Variants in DPY19L2 observed in about 807,000 individuals in gnomAD.
DPY19L2 encodes probable C-mannosyltransferase DPY19L2.
In DPY19L2, 34 loss-of-function variants were observed where a neutral mutation model predicts 97.9. That is an observed-to-expected ratio of 0.35 (90% CI 0.26 to 0.46). DPY19L2 has a LOEUF of 0.46. DPY19L2 is among the 20% of genes least tolerant of loss of function. The pLI, the probability that DPY19L2 is intolerant of heterozygous loss-of-function variation, is 1.00. For synonymous variants in DPY19L2, 230 were observed against 307.9 expected, an observed-to-expected ratio of 0.75 and a Z score of 2.65; for missense variants, 623 against 911.4, an observed-to-expected ratio of 0.68 and a Z score of 4.07.
At chr12:63,626,335 C>G in intron 7 of DPY19L2, 134 bp downstream of exon 7, 3 of 1,137,308 alleles carry the variant, frequency 2.6e-6, no homozygotes, top group Non-Finnish European at 3.6e-6. Flanking sequence ...AAAATATCAA[C>G]TTATTACACA....
chr12:63,628,827 G>A lies in DPY19L2; in HGVS notation c.804-2301C>T, dbSNP rs571169519. On this transcript the variant is annotated intron_variant, in intron 6 of 21. Transcript: ENST00000324472. ...TGGGAGGCACCCCCCAGTAGGGGCA[G>A]ACTGACACCTCACACAGCCGGGTAC... Among the ~76,000 whole-genome samples, 14 of 151,284 alleles carry A rather than the reference G, an allele frequency of 9.3e-5. 1 individual carries two copies. The South Asian group carries it at 2.9e-3, about 32-fold the overall frequency.
chr12:63,611,917 A>C (rs893372950), intron 11 of DPY19L2, among the ~76,000 whole-genome samples: 2 of 152,050 alleles, frequency 1.3e-5, no homozygotes, highest in African/African-American at 4.8e-5. Context: ...AAGATCTAAG[A>C]ATTTCAATTA....
At position 63,652,979 on chromosome 12, in the gene DPY19L2, A is replaced by C. The variant is rs142706037; in HGVS notation, c.589-5614T>G. Reference sequence around the variant, plus strand: ...CAGAAAAATAGAACACATAAAGAAAAGTCAAAATTTTCAGAACTCAAAAAT... The same window carrying C: ...CAGAAAAATAGAACACATAAAGAAACGTCAAAATTTTCAGAACTCAAAAAT... On this transcript the variant is annotated intron_variant, in intron 4 of 21. Coordinates refer to ENST00000324472, the MANE Select transcript of DPY19L2 (RefSeq NM_173812.5). Among the ~76,000 whole-genome samples, 8 of 152,332 alleles carry C rather than the reference A, an allele frequency of 5.3e-5. No homozygotes were observed. The East Asian group carries it at 1.5e-3, about 29-fold the overall frequency.
intron 12 of DPY19L2, among the ~76,000 whole-genome samples, chr12:63,606,113 A>T (rs1465487649): frequency 6.6e-6 from 1 of 152,070 alleles, no homozygotes; most frequent in Non-Finnish European, 1.5e-5. Context: ...AATCCAATTG[A>T]TTTTTTAATA....
chr12:63,636,325 G>A (rs1891687661), intron 6 of DPY19L2, among the ~76,000 whole-genome samples: 1 of 152,106 alleles, frequency 6.6e-6, no homozygotes, highest in Non-Finnish European at 1.5e-5. Context: ...GCAAAAACAT[G>A]CTAAATTGTA....
At chr12:63,588,799 G>A (rs1055763124) in intron 16 of DPY19L2, among the ~76,000 whole-genome samples, 1 of 148,068 alleles carries the variant, frequency 6.8e-6, no homozygotes, top group Non-Finnish European at 1.5e-5. Flanking sequence ...TGTCGCCCAG[G>A]CTGGAGTGCG....
chr12:63,647,432 TA>T, intron 4 of DPY19L2, 67 bp from the exon 5 acceptor site: 1 of 684,036 alleles, frequency 1.5e-6, no homozygotes, highest in Non-Finnish European at 2.2e-6. Context: ...ATAATAATAA[TA>T]ATATATACCA....
intron 11 of DPY19L2, among the ~76,000 whole-genome samples, chr12:63,613,158 C>G (rs942182818): frequency 1.3e-5 from 2 of 151,992 alleles, no homozygotes; most frequent in African/African-American, 2.4e-5. Context: ...TTTTATGAGG[C>G]CAGCATTGCC....
chr12:63,570,502 C>T (rs1195905359), intron 20 of DPY19L2, among the ~76,000 whole-genome samples: 1 of 152,130 alleles, frequency 6.6e-6, no homozygotes, highest in African/African-American at 2.4e-5. Flanking sequence ...ATATGTGACA[C>T]AGTTGTCACT....
At chr12:63,631,847 A>C (rs1890741407) in intron 6 of DPY19L2, among the ~76,000 whole-genome samples, 1 of 152,158 alleles carries the variant, frequency 6.6e-6, no homozygotes, top group Admixed American at 6.5e-5. Context: ...CCAGCAGCAC[A>C]TCAAAAAGCT....
At chr12:63,623,584 T>A (rs1361986565) in intron 8 of DPY19L2, among the ~76,000 whole-genome samples, 1 of 152,126 alleles carries the variant, frequency 6.6e-6, no homozygotes, top group African/African-American at 2.4e-5. Context: ...GGAGAGCAAT[T>A]TTTACATAGC....
At chr12:63,605,757 C>G (rs1885933560) in intron 12 of DPY19L2, among the ~76,000 whole-genome samples, 1 of 152,118 alleles carries the variant, frequency 6.6e-6, no homozygotes. Flanking sequence ...AGCTTAGGAA[C>G]ATTCAAAATG....
intron 6 of DPY19L2, among the ~76,000 whole-genome samples, chr12:63,627,629 C>T (rs552308868): frequency 1.3e-5 from 2 of 152,264 alleles, no homozygotes; most frequent in African/African-American, 2.4e-5. Context: ...GGATTACAGG[C>T]GTGAGCCACC....
Position 63,582,471 on chromosome 12 carries a change from T to C in DPY19L2, c.1660A>G (p.Met554Val), listed in dbSNP as rs550504610. 67 of 1,613,610 alleles carry C rather than the reference T, an allele frequency of 4.2e-5. No homozygotes were observed. The South Asian group carries it at 7.0e-4, about 17-fold the overall frequency. Residue 554 changes from methionine to valine, a missense_variant, in exon 18 of 22, where the codon ATG becomes GTG. Met to Val is a conservative substitution (Grantham distance 21). This residue lies in a region of DPY19L2 where 294 missense variants were observed against 446.2 expected (regional missense o/e 0.66). Coordinates refer to ENST00000324472, the MANE Select transcript of DPY19L2 (RefSeq NM_173812.5). ...GGTGTCAAAAACATCTTTAGCCTCA[T>C]AATTAAAATGGCAAGGGCAGTAAAC... ...LVFTALAILIMRLKMFLTPHM... is the reference protein window; with the variant it reads ...LVFTALAILIVRLKMFLTPHM...
chr12:63,661,955 G>A (rs1029997646), intron 3 of DPY19L2, among the ~76,000 whole-genome samples: 34 of 152,218 alleles, frequency 2.2e-4, no homozygotes, highest in African/African-American at 7.9e-4. Flanking sequence ...CATGAGCAAG[G>A]AATCCAGTGC....
chr12:63,661,155 T>A (rs1895622848), intron 4 of DPY19L2, 189 bp downstream of exon 4: 1 of 447,194 alleles, frequency 2.2e-6, no homozygotes, highest in East Asian at 4.3e-5. Flanking sequence ...TTCGAGTTCA[T>A]GAGAGAACAG....
At chr12:63,585,154 T>C (rs1447864040) in intron 16 of DPY19L2, among the ~76,000 whole-genome samples, 1 of 152,024 alleles carries the variant, frequency 6.6e-6, no homozygotes, top group Admixed American at 6.5e-5. Context: ...AATACTTATC[T>C]TCATGGAGTT....
At chr12:63,637,096 T>G (rs188672342) in intron 6 of DPY19L2, among the ~76,000 whole-genome samples, 1 of 152,122 alleles carries the variant, frequency 6.6e-6, no homozygotes, top group African/African-American at 2.4e-5. Context: ...TCTCAGATCA[T>G]AGGGCAATCA....
chr12:63,609,865 G>C (rs1365943810), intron 11 of DPY19L2, among the ~76,000 whole-genome samples: 5 of 152,102 alleles, frequency 3.3e-5, no homozygotes, highest in Non-Finnish European at 7.4e-5. Flanking sequence ...AGTTGGTGTA[G>C]AAATTCCCAA....
Sources: gnomAD v4.1 joint callset for allele counts (sites outside exome capture counted in the v4.1 genomes callset) on GRCh38, gnomAD v4.1.1 for gene constraint, gnomAD v4.1.1 regional missense constraint, MANE v1.5 for transcripts, NCBI Gene and HGNC (gene_info 2026-07-23, HGNC 2026-07-21) for gene names.